CSMD3: variants seen among roughly 807,000 people sequenced by gnomAD.
The protein encoded by CSMD3 is CUB and sushi domain-containing protein 3.
CSMD3 carries 177 observed loss-of-function variants against 435.2 expected under a neutral mutation model. That is an observed-to-expected ratio of 0.41 (90% CI 0.36 to 0.46). CSMD3 has a LOEUF of 0.46. Ranked by LOEUF, CSMD3 falls within the 20% of genes least tolerant of loss-of-function variation. CSMD3 has a pLI of 0.34. For missense variants in CSMD3, 4,265 were observed against 4,504.6 expected, an observed-to-expected ratio of 0.95 and a Z score of 1.52; for synonymous variants, 1,656 against 1,520.5, an observed-to-expected ratio of 1.09 and a Z score of -2.07.
chr8:112,763,785 C>A (rs543968837), intron 13 of CSMD3, among the ~76,000 whole-genome samples: 2 of 150,836 alleles, frequency 1.3e-5, no homozygotes, highest in African/African-American at 4.8e-5. Flanking sequence ...TTCATGTGGG[C>A]ACTAAATTAC....
chr8:112,502,784 T>C (rs530654395), intron 30 of CSMD3, among the ~76,000 whole-genome samples: 154 of 152,326 alleles, frequency 1.0e-3, no homozygotes, highest in Middle Eastern at 3.4e-3. Flanking sequence ...TTTTCCATTA[T>C]TGAAAATATT....
At chr8:112,491,291 T>C (rs182756282) in intron 31 of CSMD3, among the ~76,000 whole-genome samples, 292 of 152,310 alleles carry the variant, frequency 1.9e-3, no homozygotes, top group African/African-American at 6.8e-3. Flanking sequence ...CAGGTAAATA[T>C]ATACACAGAG....
intron 2 of CSMD3, among the ~76,000 whole-genome samples, chr8:113,308,974 G>T (rs375452919): frequency 6.6e-6 from 1 of 151,692 alleles, no homozygotes; most frequent in Non-Finnish European, 1.5e-5. Flanking sequence ...TTAGAGACAG[G>T]GTCTGGCTCT....
chr8:113,014,750 A>G (rs1277102900), intron 6 of CSMD3, among the ~76,000 whole-genome samples: 4 of 152,080 alleles, frequency 2.6e-5, no homozygotes, highest in Admixed American at 6.6e-5. Flanking sequence ...AAGAAATATG[A>G]AGGTCTTTCT....
chr8:113,160,691 A>G (rs2092022323), intron 4 of CSMD3, among the ~76,000 whole-genome samples: 1 of 152,052 alleles, frequency 6.6e-6, no homozygotes, highest in African/African-American at 2.4e-5. Context: ...TAAATTTTAA[A>G]AGAACGCATA....
chr8:113,030,417 T>TTAA (rs2087046711), intron 5 of CSMD3, among the ~76,000 whole-genome samples: 1 of 24,352 alleles, frequency 4.1e-5, no homozygotes, highest in Non-Finnish European at 6.8e-5. Context: ...TTGGTACTGG[T>TTAA]AAAAAAAAAA....
chr8:112,477,735 C>T (rs1396271498), intron 31 of CSMD3, among the ~76,000 whole-genome samples: 2 of 152,166 alleles, frequency 1.3e-5, no homozygotes, highest in South Asian at 2.1e-4. Context: ...TCTTGTACAT[C>T]CTGAAAATCC....
chr8:113,366,392 G>A (rs992007201), intron 1 of CSMD3, among the ~76,000 whole-genome samples: 3 of 151,894 alleles, frequency 2.0e-5, no homozygotes, highest in African/African-American at 7.2e-5. Flanking sequence ...AAATTTCCAT[G>A]TTGATAAATA....
chr8:113,333,074 A>C (rs1369489797), intron 1 of CSMD3, among the ~76,000 whole-genome samples: 1 of 151,632 alleles, frequency 6.6e-6, no homozygotes, highest in African/African-American at 2.4e-5. Context: ...GATAAGCATA[A>C]ATTCACATTC....
intron 1 of CSMD3, among the ~76,000 whole-genome samples, chr8:113,362,365 G>C (rs565097622): frequency 3.0e-4 from 45 of 152,168 alleles, no homozygotes; most frequent in African/African-American, 1.0e-3. Context: ...GAATATTTCC[G>C]GTTGGGGAAC....
intron 1 of CSMD3, among the ~76,000 whole-genome samples, chr8:113,360,042 A>G (rs1408648526): frequency 2.0e-5 from 3 of 152,220 alleles, no homozygotes; most frequent in Non-Finnish European, 4.4e-5. Flanking sequence ...TACAAAGTTT[A>G]CAGGTTTCTG....
intron 11 of CSMD3, among the ~76,000 whole-genome samples, chr8:112,851,374 G>A (rs1172636196): frequency 2.0e-5 from 3 of 152,072 alleles, no homozygotes; most frequent in Non-Finnish European, 4.4e-5. Flanking sequence ...CCAGTTTCAC[G>A]TTTTTTCTCA....
intron 22 of CSMD3, among the ~76,000 whole-genome samples, chr8:112,610,452 T>C (rs1833170265): frequency 6.6e-6 from 1 of 152,150 alleles, no homozygotes; most frequent in African/African-American, 2.4e-5. Context: ...AATATTTCCC[T>C]AGTTCCCACT....
At chr8:113,130,824 T>C (rs2091266115) in intron 4 of CSMD3, among the ~76,000 whole-genome samples, 1 of 152,138 alleles carries the variant, frequency 6.6e-6, no homozygotes. Context: ...GATAGTGATA[T>C]GGACAACGAA....
rs767016686 is a variant in CSMD3 at position 112,954,760 on chromosome 8, C to A, written c.1344G>T (p.Val448=). ...TAGATTTAAAATCTATGGCCTTTTT[C>A]ACTAGTTAAGAAAACAAACAAAAAC... The part of the protein sequence containing the change: ...TKELAVVTHR[V]KKAIDFKSRG... Residue 448 remains valine (V), a splice_region_variant and synonymous_variant, in exon 8 of 71, where the codon GTG becomes GTT. Coordinates refer to ENST00000297405, the MANE Select transcript of CSMD3 (RefSeq NM_198123.2). The A allele has an allele frequency of 2.6e-6, 4 of 1,530,390 alleles. No homozygotes were observed. Among genetic ancestry groups the A allele is most frequent in the Admixed American group, 1.7e-5 (1 of 59,660 alleles). The allele number at this position is 1,530,390 out of a possible 1,614,324, so 94.8% of individuals were successfully genotyped here.
At chr8:112,836,052 A>G (rs2080014530) in intron 11 of CSMD3, among the ~76,000 whole-genome samples, 1 of 151,778 alleles carries the variant, frequency 6.6e-6, no homozygotes, top group African/African-American at 2.4e-5. Context: ...GGGATAGCCT[A>G]TGTTTTAGCC....
At chr8:112,318,537 ATTTC>A (rs1822689796) in intron 47 of CSMD3, among the ~76,000 whole-genome samples, 1 of 152,002 alleles carries the variant, frequency 6.6e-6, no homozygotes, top group Non-Finnish European at 1.5e-5. Context: ...ATTTAAAGTG[ATTTC>A]CCTTTCTCTC....
chr8:112,445,652 C>T (rs1466274705), intron 32 of CSMD3, among the ~76,000 whole-genome samples: 2 of 152,180 alleles, frequency 1.3e-5, no homozygotes, highest in African/African-American at 4.8e-5. Flanking sequence ...CCACTTCCAA[C>T]ATCAAGGATC....
At chr8:112,690,098 T>A (rs376402638) in intron 13 of CSMD3, 48 bp from the exon 14 acceptor site, 6 of 1,382,524 alleles carry the variant, frequency 4.3e-6, no homozygotes, top group Non-Finnish European at 6.2e-6. Flanking sequence ...TGCAGGCATA[T>A]GATACCCATA....
Sources: allele counts gnomAD v4.1 joint callset (sites outside exome capture counted in the v4.1 genomes callset), GRCh38; gene constraint gnomAD v4.1.1; transcripts MANE v1.5; gene names NCBI Gene and HGNC (gene_info 2026-07-23, HGNC 2026-07-21).